SLC2A13: variants seen among roughly 807,000 people sequenced by gnomAD.
SLC2A13 encodes solute carrier family 2 member 13, also known as proton myo-inositol cotransporter.
SLC2A13 carries 32 observed loss-of-function variants against 64.4 expected under a neutral mutation model. That is an observed-to-expected ratio of 0.50 (90% confidence interval 0.37 to 0.67). SLC2A13 has a LOEUF of 0.67. SLC2A13 is among the 30% of genes least tolerant of loss of function. The pLI, the probability that SLC2A13 is intolerant of heterozygous loss-of-function variation, is 0.00. For synonymous variants in SLC2A13, 338 were observed against 327.1 expected, an observed-to-expected ratio of 1.03 and a Z score of -0.36; for missense variants, 743 against 829.2, an observed-to-expected ratio of 0.90 and a Z score of 1.28.
chr12:39,830,827 A>AT (rs1179028012), intron 6 of SLC2A13, among the ~76,000 whole-genome samples: 10 of 152,192 alleles, frequency 6.6e-5, no homozygotes, highest in African/African-American at 2.2e-4. Flanking sequence ...CTGAGTATCA[A>AT]TTATGGATTA....
At chr12:39,952,610 T>G (rs747319108) in intron 3 of SLC2A13, among the ~76,000 whole-genome samples, 1 of 152,132 alleles carries the variant, frequency 6.6e-6, no homozygotes, top group African/African-American at 2.4e-5. Flanking sequence ...AAAACTTGAG[T>G]TATTGCAAAT....
At chr12:39,921,987 G>C (rs1284301372) in intron 4 of SLC2A13, among the ~76,000 whole-genome samples, 1 of 152,092 alleles carries the variant, frequency 6.6e-6, no homozygotes. Context: ...ATTAGTTTCA[G>C]CTCTAGTGCT....
At chr12:40,006,737 G>T (rs1416932894) in intron 3 of SLC2A13, among the ~76,000 whole-genome samples, 1 of 152,172 alleles carries the variant, frequency 6.6e-6, no homozygotes, top group East Asian at 1.9e-4. Flanking sequence ...CCTATCAATG[G>T]AAGCAATCCC....
chr12:39,981,387 G>A (rs1472044636), intron 3 of SLC2A13, among the ~76,000 whole-genome samples: 3 of 151,946 alleles, frequency 2.0e-5, no homozygotes, highest in East Asian at 1.9e-4. Context: ...GAATCCAGGA[G>A]CTGGTTTTTT....
At chr12:39,838,369 A>C (rs1655767725) in intron 6 of SLC2A13, among the ~76,000 whole-genome samples, 1 of 141,816 alleles carries the variant, frequency 7.1e-6, no homozygotes, top group African/African-American at 2.6e-5. Flanking sequence ...GAGGGATAGC[A>C]TTGGGAGATA....
chr12:39,875,714 T>A (rs1944165909), intron 4 of SLC2A13, among the ~76,000 whole-genome samples: 1 of 152,182 alleles, frequency 6.6e-6, no homozygotes, highest in Non-Finnish European at 1.5e-5. Context: ...ACATGATATA[T>A]TTAGGTCAGA....
At chr12:39,982,630 G>A (rs1946929333) in intron 3 of SLC2A13, among the ~76,000 whole-genome samples, 2 of 149,278 alleles carry the variant, frequency 1.3e-5, no homozygotes, top group South Asian at 2.1e-4. Flanking sequence ...GGGATGTGAA[G>A]CACCTCTTCA....
chr12:39,923,675 T>A (rs928974721), intron 4 of SLC2A13, among the ~76,000 whole-genome samples: 1 of 133,290 alleles, frequency 7.5e-6, no homozygotes, highest in Non-Finnish European at 1.6e-5. Flanking sequence ...TATGTATATA[T>A]ATATATATAT....
At chr12:40,072,429 A>G (rs1937997604) in intron 1 of SLC2A13, among the ~76,000 whole-genome samples, 1 of 152,132 alleles carries the variant, frequency 6.6e-6, no homozygotes, top group African/African-American at 2.4e-5. Context: ...GTTGAGTTCA[A>G]CAATGTCTGT....
rs1336591200 is a variant in SLC2A13, at chr12:39,756,462, T to A, written c.*3564A>T. 2 of 151,884 alleles carry A rather than the reference T, an allele frequency of 1.3e-5. No homozygotes were observed. The highest frequency in any genetic ancestry group is 4.8e-5 in the African/African-American group (2 of 41,412). The allele number at this position is 151,884 out of a possible 1,614,324, so 9.4% of individuals were successfully genotyped here. A position where few individuals can be genotyped will look rare whatever the true frequency, so the allele number is the denominator to read the frequency against. Reference sequence around the variant, plus strand: ...ATCTGATTATAACAAAACGTCTCATTAATTTTGTTGTTTTTAATAATTGTG... The same window carrying A: ...ATCTGATTATAACAAAACGTCTCATAAATTTTGTTGTTTTTAATAATTGTG... On this transcript the variant is annotated 3_prime_UTR_variant, in exon 10 of 10. Coordinates refer to ENST00000280871, the MANE Select transcript of SLC2A13 (RefSeq NM_052885.4).
intron 6 of SLC2A13, among the ~76,000 whole-genome samples, chr12:39,845,797 T>C (rs1943293743): frequency 6.6e-6 from 1 of 152,064 alleles, no homozygotes; most frequent in South Asian, 2.1e-4. Context: ...ATGAAACCAA[T>C]AGGAATTAGG....
chr12:39,768,323 G>A (rs1365752828), intron 7 of SLC2A13, among the ~76,000 whole-genome samples: 1 of 152,066 alleles, frequency 6.6e-6, no homozygotes, highest in African/African-American at 2.4e-5. Context: ...CGGCAATAAG[G>A]CTGTTTCACT....
intron 4 of SLC2A13, among the ~76,000 whole-genome samples, chr12:39,898,881 A>C (rs1016681216): frequency 6.6e-6 from 1 of 152,164 alleles, no homozygotes; most frequent in Admixed American, 6.5e-5. Context: ...CCTTGTATAT[A>C]AAATGGAAAA....
intron 1 of SLC2A13, among the ~76,000 whole-genome samples, chr12:40,060,488 C>T (rs1206275687): frequency 6.6e-6 from 1 of 152,118 alleles, no homozygotes; most frequent in East Asian, 1.9e-4. Context: ...CCCATGTACA[C>T]TGGGTTGTTT....
At chr12:39,878,008 T>C (rs1356526496) in intron 4 of SLC2A13, among the ~76,000 whole-genome samples, 3 of 152,190 alleles carry the variant, frequency 2.0e-5, no homozygotes, top group African/African-American at 7.2e-5. Flanking sequence ...TACTGCTTGC[T>C]CCTGCTTTTG....
At chr12:39,881,446 T>C (rs148673904) in intron 4 of SLC2A13, among the ~76,000 whole-genome samples, 6 of 152,320 alleles carry the variant, frequency 3.9e-5, no homozygotes, top group Admixed American at 3.9e-4. Flanking sequence ...TTCAGTTTAC[T>C]AAAAAAGTGC....
chr12:39,960,372 T>C (rs1045882816), intron 3 of SLC2A13, among the ~76,000 whole-genome samples: 9 of 152,226 alleles, frequency 5.9e-5, no homozygotes, highest in African/African-American at 2.2e-4. Context: ...TATTTATTCC[T>C]TTATAATGTT....
In SLC2A13 at chr12:39,782,556, G is replaced by A. The variant is rs935296600; in HGVS notation, c.1446-17698C>T. The stretch of plus-strand genomic sequence containing the variant: ...AACCTCTTTTTCTTCCCAGTTTTGG[G>A]TATGTCTTTATCAGCAGCATGAAAA... On this transcript the variant is annotated intron_variant, in intron 7 of 9. Transcript: ENST00000280871. Among the ~76,000 whole-genome samples the A allele has an allele frequency of 2.6e-5, 4 of 152,198 alleles. No homozygotes were observed. In the East Asian group the frequency reaches 7.7e-4, roughly 29 times the overall value.
At position 39,896,414 on chromosome 12, in the gene SLC2A13, A is replaced by T. The variant is rs564232686; in HGVS notation, c.1035-24453T>A. ...TGTGTATATATGTATACATATATGT[A>T]TGTATATGTGTATATATGTATACAT... is the stretch of plus-strand genomic sequence containing the variant. On this transcript the variant is annotated intron_variant, in intron 4 of 9. Coordinates refer to ENST00000280871, the MANE Select transcript of SLC2A13 (RefSeq NM_052885.4). Among the ~76,000 whole-genome samples the T allele has an allele frequency of 3.1e-3, 364 of 118,054 alleles. 2 individuals carry two copies. Among genetic ancestry groups the T allele is most frequent in the African/African-American group, 0.015 (345 of 23,616 alleles). The allele number at this position is 118,054 out of a possible 152,430, so 77.4% of individuals were successfully genotyped here. A position where few individuals can be genotyped will look rare whatever the true frequency, so the allele number is the denominator to read the frequency against.
Sources: gnomAD v4.1 joint callset for allele counts (sites outside exome capture counted in the v4.1 genomes callset) on GRCh38, gnomAD v4.1.1 for gene constraint, MANE v1.5 for transcripts, NCBI Gene and HGNC (gene_info 2026-07-23, HGNC 2026-07-21) for gene names.